Variants in FMN2 observed in about 807,000 individuals in gnomAD.
FMN2 encodes the protein formin 2, also known as formin-2.
Under a neutral mutation model 142.3 loss-of-function variants are expected in FMN2, and 51 were observed. The ratio of observed to expected loss-of-function variants is 0.36; its 90% CI spans 0.29 to 0.45. The LOEUF (loss-of-function observed/expected upper bound fraction) is 0.45, where lower values mean the gene tolerates loss of function less well. FMN2 is among the 20% of genes least tolerant of loss of function. The probability of loss-of-function intolerance (pLI) is 1.00; values close to 1 mark genes in which losing one functional copy is unlikely to be tolerated. For missense variants in FMN2, 1,936 were observed against 2,122.8 expected (o/e 0.91, Z 1.73); for synonymous variants, 882 against 869.8 (o/e 1.01, Z -0.25).
intron 4 of FMN2, among the ~76,000 whole-genome samples, 179 bp downstream of exon 4, chr1:240,188,441 A>G (rs951906170): frequency 2.0e-5 from 3 of 152,156 alleles, no homozygotes; most frequent in African/African-American, 7.2e-5. Context: ...TATTTTTTGC[A>G]TACAAAATCA....
Position 240,438,068 on chromosome 1 carries a change from G to A in FMN2, c.4918G>A (p.Glu1640Lys), listed in dbSNP as rs2103179993. 1 of 1,611,298 alleles carries A rather than the reference G, an allele frequency of 6.2e-7. No individual in the cohort carries two copies. Among genetic ancestry groups the A allele is most frequent in the Non-Finnish European group, 8.5e-7 (1 of 1,179,284 alleles). ...SLTETHKCFL[E>K]TTAYFFMKPK... Reference sequence around the variant, plus strand: ...GTGTGTATGATTTGACAGCTTTTTGGAGACCACGGCATATTTCTTCATGAA... The same window carrying A: ...GTGTGTATGATTTGACAGCTTTTTGAAGACCACGGCATATTTCTTCATGAA... The change falls in exon 16 of 18, where the codon GAG becomes AAG. Residue 1640 changes from glutamate (E) to lysine (K), a missense_variant. Transcript: ENST00000319653.
chr1:240,164,831 ACTTT>A (rs1664413437), intron 2 of FMN2, among the ~76,000 whole-genome samples: 1 of 152,132 alleles, frequency 6.6e-6, no homozygotes, highest in Non-Finnish European at 1.5e-5. Context: ...GTAGTTTGAT[ACTTT>A]CTTTCATTTT....
At chr1:240,135,772 T>C (rs1571966490) in intron 2 of FMN2, among the ~76,000 whole-genome samples, 2 of 151,158 alleles carry the variant, frequency 1.3e-5, no homozygotes, top group African/African-American at 2.4e-5. Context: ...CTCCGCCTCC[T>C]GGGTTCAAGC....
At chr1:240,469,461 A>T (rs1302419716) in intron 16 of FMN2, among the ~76,000 whole-genome samples, 11 of 152,162 alleles carry the variant, frequency 7.2e-5, no homozygotes. Flanking sequence ...TAAGAAACCG[A>T]GGCATAAACC....
chr1:240,306,773 G>A lies in FMN2; in HGVS notation c.4215+11890G>A, dbSNP rs536875148. ...CCTTTGAATATATACCCACTAATGG[G>A]ATTGCTGGATTGAATGGTATTTCTA... On this transcript the variant is annotated intron_variant, in intron 8 of 17. Transcript: ENST00000319653. Among the ~76,000 whole-genome samples the A allele has an allele frequency of 5.3e-5, 8 of 152,294 alleles. No homozygotes were observed. In the South Asian group the frequency reaches 1.7e-3, roughly 32 times the overall value.
At chr1:240,202,189 A>G (rs1666151566) in intron 4 of FMN2, among the ~76,000 whole-genome samples, 1 of 152,104 alleles carries the variant, frequency 6.6e-6, no homozygotes, top group African/African-American at 2.4e-5. Flanking sequence ...GAGGATGGAG[A>G]TTGCGAGAGC....
chr1:240,212,444 G>A (rs1327637734), intron 6 of FMN2, among the ~76,000 whole-genome samples: 1 of 152,140 alleles, frequency 6.6e-6, no homozygotes, highest in Non-Finnish European at 1.5e-5. Flanking sequence ...CTGGTTGCTG[G>A]TGACCTCAGG....
intron 6 of FMN2, among the ~76,000 whole-genome samples, chr1:240,219,225 G>A (rs1043796231): frequency 4.6e-5 from 7 of 152,170 alleles, no homozygotes; most frequent in African/African-American, 1.7e-4. Flanking sequence ...TGTCATACTA[G>A]AAATAAGTGT....
intron 2 of FMN2, chr1:240,170,686 G>A (rs1034140733): frequency 1.5e-5 from 23 of 1,570,406 alleles, no homozygotes; most frequent in Non-Finnish European, 1.8e-5. Flanking sequence ...CTGCCTTCTA[G>A]GTTGTGGCAT....
intron 8 of FMN2, among the ~76,000 whole-genome samples, 177 bp from the exon 9 acceptor site, chr1:240,328,899 A>G (rs1269918786): frequency 6.6e-6 from 1 of 152,140 alleles, no homozygotes; most frequent in African/African-American, 2.4e-5. Flanking sequence ...CCATATTTAC[A>G]CTTTAAAATG....
intron 7 of FMN2, among the ~76,000 whole-genome samples, chr1:240,265,328 T>C (rs1330239640): frequency 2.6e-5 from 4 of 152,148 alleles, no homozygotes; most frequent in African/African-American, 9.6e-5. Context: ...TTGCTCTTGA[T>C]TGAACCAAGC....
At chr1:240,097,406 A>T (rs2103168020) in intron 1 of FMN2, among the ~76,000 whole-genome samples, 1 of 145,964 alleles carries the variant, frequency 6.9e-6, no homozygotes, top group East Asian at 2.0e-4. Context: ...CCCAGGCTGG[A>T]GTGCAGTGGC....
chr1:240,409,807 A>G (rs1674336627), intron 15 of FMN2, among the ~76,000 whole-genome samples: 1 of 152,192 alleles, frequency 6.6e-6, no homozygotes, highest in Non-Finnish European at 1.5e-5. Flanking sequence ...GGTTTACTAA[A>G]TCTATAGTCA....
chr1:240,355,657 T>C (rs560735165), intron 13 of FMN2, among the ~76,000 whole-genome samples, 159 bp from the exon 14 acceptor site: 4 of 152,300 alleles, frequency 2.6e-5, no homozygotes, highest in Non-Finnish European at 5.9e-5. Flanking sequence ...GATCATCGGC[T>C]TCTCATGTCC....
At chr1:240,278,773 A>G (rs974638937) in intron 7 of FMN2, among the ~76,000 whole-genome samples, 1 of 152,144 alleles carries the variant, frequency 6.6e-6, no homozygotes, top group Non-Finnish European at 1.5e-5. Flanking sequence ...GAGTATCTTT[A>G]TATGTATAAG....
chr1:240,177,328 G>A (rs1664958604), intron 2 of FMN2, among the ~76,000 whole-genome samples: 1 of 151,378 alleles, frequency 6.6e-6, no homozygotes, highest in Non-Finnish European at 1.5e-5. Flanking sequence ...TAGCTGGCGA[G>A]GTCTTTCTTG....
intron 14 of FMN2, among the ~76,000 whole-genome samples, chr1:240,358,648 G>T (rs756549183): frequency 6.6e-6 from 1 of 152,154 alleles, no homozygotes; most frequent in Non-Finnish European, 1.5e-5. Flanking sequence ...GCTGAGGGAA[G>T]GGGGAAGAGC....
chr1:240,452,671 A>G (rs1676102440), intron 16 of FMN2, among the ~76,000 whole-genome samples: 1 of 152,140 alleles, frequency 6.6e-6, no homozygotes, highest in Non-Finnish European at 1.5e-5. Context: ...CATAAAAAGG[A>G]AAAAGTATGA....
chr1:240,143,624 A>G (rs1417744191), intron 2 of FMN2: 2 of 1,609,974 alleles, frequency 1.2e-6, no homozygotes, highest in Non-Finnish European at 1.7e-6. Flanking sequence ...AAACTGCGGA[A>G]TGGCTCTGAT....
Sources: allele counts gnomAD v4.1 joint callset (sites outside exome capture counted in the v4.1 genomes callset), GRCh38; gene constraint gnomAD v4.1.1; transcripts MANE v1.5; gene names NCBI Gene and HGNC (gene_info 2026-07-23, HGNC 2026-07-21).